ESRP1: variants seen among roughly 807,000 people sequenced by gnomAD.
The protein encoded by ESRP1 is RNA-binding motif protein 35A.
ESRP1 carries 33 observed loss-of-function variants against 81.7 expected under a neutral mutation model. The observed-to-expected ratio is 0.40, with a 90% CI of 0.31 to 0.54. ESRP1 has a LOEUF of 0.54. Ranked by LOEUF, ESRP1 falls within the 20% of genes least tolerant of loss-of-function variation. The pLI is 0.41. For missense variants in ESRP1, 672 were observed against 833.1 expected (o/e 0.81, Z 2.38); for synonymous variants, 320 against 303.3 (o/e 1.06, Z -0.57).
chr8:94,671,377 G>GT (rs1442300863), intron 10 of ESRP1, 76 bp from the exon 11 acceptor site: 1 of 1,264,092 alleles, frequency 7.9e-7, no homozygotes, highest in Non-Finnish European at 1.1e-6. Context: ...GAGCTTCCCA[G>GT]TGATGCCATT....
chr8:94,646,241 C>T lies in ESRP1; in HGVS notation c.449C>T (p.Ser150Leu), dbSNP rs201610171. ...GAATTCAAGAAATGTTGCCCTGGTT[C>T]ACCTGATATTGACAAACTGGACGTT... Reference protein sequence around the residue: ...RKEFKKCCPGSPDIDKLDVAT... With the variant: ...RKEFKKCCPGLPDIDKLDVAT... The change falls in exon 4 of 16, where the codon TCA becomes TTA. Residue 150 changes from serine to leucine, a missense_variant. By Grantham distance (145) the Ser-to-Leu change is moderately radical (BLOSUM62 -2). Transcript: ENST00000433389. 37 of 1,612,488 alleles carry T rather than the reference C, an allele frequency of 2.3e-5. No individual in the cohort carries two copies. Among genetic ancestry groups the T allele is most frequent in the Non-Finnish European group, 3.1e-5 (37 of 1,179,124 alleles).
At chr8:94,654,450 CTT>C (rs150265040) in intron 4 of ESRP1, among the ~76,000 whole-genome samples, 22,944 of 152,054 alleles carry the variant, frequency 0.15, 1,839 homozygotes, top group African/African-American at 0.2. Context: ...ATATAAATGT[CTT>C]TTTCCAAAGT....
chr8:94,696,766 T>C lies in ESRP1; in HGVS notation c.1972-86T>C, dbSNP rs574032745. The C allele has an allele frequency of 2.1e-5, 21 of 1,017,382 alleles. No homozygotes were observed. The South Asian group carries it at 3.2e-4, about 16-fold the overall frequency. 63.0% of individuals were successfully genotyped at this position (1,017,382 alleles called of 1,614,324 possible). A position where few individuals can be genotyped will look rare whatever the true frequency, so the allele number is the denominator to read the frequency against. The stretch of plus-strand genomic sequence containing the variant: ...CTCCTATCTAAATGTCCTATACTTT[T>C]GTTGGTAGATCTATTTAGCTGAAAT... On this transcript the variant is annotated intron_variant, in intron 14 of 15. Coordinates refer to ENST00000433389, the MANE Select transcript of ESRP1 (RefSeq NM_017697.4).
chr8:94,674,563 G>A (rs1332900653), intron 12 of ESRP1, 57 bp downstream of exon 12: 1 of 1,499,644 alleles, frequency 6.7e-7, no homozygotes, highest in African/African-American at 1.4e-5. Context: ...AGGTGCTTAA[G>A]CTGCTTTCGT....
intron 4 of ESRP1, among the ~76,000 whole-genome samples, chr8:94,659,789 A>G (rs1199921659): frequency 6.6e-6 from 1 of 152,240 alleles, no homozygotes; most frequent in Non-Finnish European, 1.5e-5. Context: ...CTTGTCATTT[A>G]TAGAAGAGAG....
intron 9 of ESRP1, 94 bp from the exon 10 acceptor site, chr8:94,667,855 T>C: frequency 1.8e-6 from 2 of 1,081,158 alleles, no homozygotes; most frequent in Non-Finnish European, 2.7e-6. Context: ...CATTATGAAC[T>C]CAAGACATTG....
chr8:94,652,128 C>T (rs1386187675), intron 4 of ESRP1, among the ~76,000 whole-genome samples: 1 of 150,346 alleles, frequency 6.7e-6, no homozygotes, highest in Non-Finnish European at 1.5e-5. Flanking sequence ...GGTGAGATTA[C>T]AGGCATGTGC....
chr8:94,692,626 T>C, intron 13 of ESRP1, 51 bp from the exon 14 acceptor site: 3 of 1,557,144 alleles, frequency 1.9e-6, no homozygotes, highest in Non-Finnish European at 2.6e-6. Flanking sequence ...TTATAGTAAG[T>C]ATTCAACATT....
chr8:94,699,457 C>A (rs562256515), intron 15 of ESRP1, among the ~76,000 whole-genome samples: 3 of 151,946 alleles, frequency 2.0e-5, no homozygotes, highest in African/African-American at 7.2e-5. Context: ...GCCTGGGCAA[C>A]ATGGCAAAAC....
At chr8:94,671,374 CCA>C in intron 10 of ESRP1, 77 bp from the exon 11 acceptor site, 1 of 1,219,926 alleles carries the variant, frequency 8.2e-7, no homozygotes, top group Non-Finnish European at 1.1e-6. Flanking sequence ...AACGAGCTTC[CCA>C]GTGATGCCAT....
At position 94,674,353 on chromosome 8, in the gene ESRP1, A is replaced by G. The variant is rs1563535046; in HGVS notation, c.1498A>G (p.Arg500Gly). The G allele has an allele frequency of 6.2e-7, 1 of 1,614,030 alleles. No homozygotes were observed. Among genetic ancestry groups the G allele is most frequent in the Non-Finnish European group, 8.5e-7 (1 of 1,179,894 alleles). The part of the protein sequence containing the change: ...DAFIQMKSAD[R>G]AFMAAQKCHK... ...CTTTATCCAGATGAAGTCTGCGGAC[A>G]GAGCATTTATGGCTGCACAGAAGTG... The change falls in exon 12 of 16, where the codon AGA becomes GGA. Residue 500 changes from arginine (R) to glycine (G), a missense_variant. By Grantham distance (125) the Arg-to-Gly change is moderately radical. Coordinates refer to ENST00000433389, the MANE Select transcript of ESRP1 (RefSeq NM_017697.4).
At chr8:94,695,398 A>G (rs1401367522) in intron 14 of ESRP1, among the ~76,000 whole-genome samples, 1 of 109,836 alleles carries the variant, frequency 9.1e-6, no homozygotes, top group African/African-American at 3.5e-5. Context: ...TCTGTCGCCC[A>G]GGCTGGAGTG....
chr8:94,679,618 A>C (rs1186409090), intron 13 of ESRP1, among the ~76,000 whole-genome samples: 1 of 152,218 alleles, frequency 6.6e-6, no homozygotes, highest in Non-Finnish European at 1.5e-5. Flanking sequence ...TTATGGCTTA[A>C]TAGCTCCTGT....
intron 15 of ESRP1, among the ~76,000 whole-genome samples, chr8:94,699,170 G>C (rs1809717340): frequency 6.6e-6 from 1 of 152,130 alleles, no homozygotes; most frequent in South Asian, 2.1e-4. Context: ...CATTACACCA[G>C]AAATGTCCTA....
chr8:94,651,239 CTTTTTTT>C (rs35413910), intron 4 of ESRP1, among the ~76,000 whole-genome samples: 1 of 102,794 alleles, frequency 9.7e-6, no homozygotes. Context: ...ATAGTGTGGT[CTTTTTTT>C]TTTTTTTTTT....
chr8:94,699,433 G>C (rs1015190920), intron 15 of ESRP1, among the ~76,000 whole-genome samples: 6 of 151,880 alleles, frequency 4.0e-5, no homozygotes, highest in Non-Finnish European at 8.8e-5. Flanking sequence ...TTAAGCCCTA[G>C]AAATTTGAGA....
chr8:94,660,393 G>A (rs1272893097), intron 4 of ESRP1, among the ~76,000 whole-genome samples: 1 of 152,168 alleles, frequency 6.6e-6, no homozygotes, highest in Non-Finnish European at 1.5e-5. Context: ...TTTGAGGCCA[G>A]GAGTTCAAGA....
intron 10 of ESRP1, 67 bp from the exon 11 acceptor site, chr8:94,671,386 T>C: frequency 2.2e-6 from 3 of 1,377,280 alleles, no homozygotes; most frequent in Non-Finnish European, 3.0e-6. Flanking sequence ...AGTGATGCCA[T>C]TGCTGATCTG....
At position 94,706,017 on chromosome 8, in the gene ESRP1, A is replaced by G; in HGVS notation, c.*128A>G. 2 of 1,424,590 alleles carry G rather than the reference A, an allele frequency of 1.4e-6. No individual in the cohort carries two copies. The highest frequency in any genetic ancestry group is 1.9e-6 in the Non-Finnish European group (2 of 1,058,942). The allele number at this position is 1,424,590 out of a possible 1,614,324, so 88.2% of individuals were successfully genotyped here. On this transcript the variant is annotated 3_prime_UTR_variant, in exon 16 of 16. Transcript: ENST00000433389. ...AGTTTGTCTACACTCAGGCTGCAGT[A>G]TTTTCAGCAAACTTGATTGGACAAA...
Sources: allele counts gnomAD v4.1 joint callset (sites outside exome capture counted in the v4.1 genomes callset), GRCh38; gene constraint gnomAD v4.1.1; transcripts MANE v1.5; gene names NCBI Gene and HGNC (gene_info 2026-07-23, HGNC 2026-07-21).